PRKCA: variants seen among roughly 807,000 people sequenced by gnomAD.
PRKCA encodes protein kinase C alpha, also known as protein kinase C alpha type.
Under a neutral mutation model 87.0 loss-of-function variants are expected in PRKCA, and 27 were observed. The ratio of observed to expected loss-of-function variants is 0.31; its 90% CI spans 0.23 to 0.43. PRKCA has a LOEUF of 0.43. PRKCA is among the 20% of genes least tolerant of loss of function. The pLI, the probability that PRKCA is intolerant of heterozygous loss-of-function variation, is 1.00. For missense variants in PRKCA, 518 were observed against 852.3 expected, an observed-to-expected ratio of 0.61 and a Z score of 4.88; for synonymous variants, 329 against 311.1, an observed-to-expected ratio of 1.06 and a Z score of -0.61.
At position 66,721,363 on chromosome 17, in the gene PRKCA, T is replaced by A. The variant is rs142922584; in HGVS notation, c.919-11325T>A. On this transcript the variant is annotated intron_variant, in intron 8 of 16. Coordinates refer to ENST00000413366, the MANE Select transcript of PRKCA (RefSeq NM_002737.3). ...GTGAGCCGAGATCGGGCCACTGCAC[T>A]CCAGCCTGGGCAACAGAGCAAGATT... 5.6e-3 allele frequency among the ~76,000 whole-genome samples: 773 copies of A among 138,178 alleles called. 9 individuals are homozygous for A. Among genetic ancestry groups the A allele is most frequent in the African/African-American group, 0.02 (734 of 36,142 alleles). The allele number at this position is 138,178 out of a possible 152,430, so 90.7% of individuals were successfully genotyped here. A position where few individuals can be genotyped will look rare whatever the true frequency, so the allele number is the denominator to read the frequency against.
chr17:66,463,495 A>C (rs1914949922), intron 2 of PRKCA, among the ~76,000 whole-genome samples: 1 of 151,948 alleles, frequency 6.6e-6, no homozygotes, highest in Non-Finnish European at 1.5e-5. Flanking sequence ...TCCCAAGCTC[A>C]AGCGATTCTC....
In PRKCA at chr17:66,777,152, G is replaced by T. The variant is rs988315617; in HGVS notation, c.1605+3085G>T. On this transcript the variant is annotated intron_variant, in intron 14 of 16. Transcript: ENST00000413366. ...TCGCCTGACATTCCTGGTGGGTAGG[G>T]GGAGCCCTCTCCTGCCCTGCCCATG... The T allele has an allele frequency of 3.2e-6, 3 of 926,814 alleles. No individual in the cohort carries two copies. The African/African-American group carries it at 5.4e-5, about 17-fold the overall frequency. The allele number at this position is 926,814 out of a possible 1,614,324, so 57.4% of individuals were successfully genotyped here.
chr17:66,487,369 T>G (rs1409061732), intron 2 of PRKCA, among the ~76,000 whole-genome samples: 5 of 152,244 alleles, frequency 3.3e-5, no homozygotes, highest in Middle Eastern at 3.2e-3. Flanking sequence ...TTTTTATGGT[T>G]GAATAATACT....
chr17:66,462,663 AG>A (rs1914904265), intron 2 of PRKCA, among the ~76,000 whole-genome samples: 1 of 152,136 alleles, frequency 6.6e-6, no homozygotes, highest in African/African-American at 2.4e-5. Context: ...GCCATGATAT[AG>A]GTCTTCCCCA....
intron 5 of PRKCA, chr17:66,676,291 G>A (rs1044685302): frequency 2.0e-5 from 3 of 152,532 alleles, no homozygotes; most frequent in African/African-American, 7.2e-5. Flanking sequence ...GGTGGGGTGA[G>A]GGTTTTTTCC....
intron 3 of PRKCA, among the ~76,000 whole-genome samples, chr17:66,624,684 C>T (rs370225401): frequency 5.3e-4 from 80 of 152,060 alleles, no homozygotes; most frequent in African/African-American, 1.9e-3. Context: ...TGCCTGTAAT[C>T]CCAGCTACTC....
At chr17:66,619,592 T>C (rs1970615984) in intron 3 of PRKCA, among the ~76,000 whole-genome samples, 1 of 152,190 alleles carries the variant, frequency 6.6e-6, no homozygotes, top group Admixed American at 6.5e-5. Flanking sequence ...CAAATGAATA[T>C]CATTATCTCC....
At chr17:66,737,075 G>A (rs1362387574) in intron 10 of PRKCA, among the ~76,000 whole-genome samples, 3 of 152,090 alleles carry the variant, frequency 2.0e-5, no homozygotes, top group Non-Finnish European at 4.4e-5. Context: ...AGACATGGCC[G>A]GGCGCGGTGG....
intron 2 of PRKCA, among the ~76,000 whole-genome samples, chr17:66,375,095 G>A (rs1333478947): frequency 1.3e-5 from 2 of 152,042 alleles, no homozygotes; most frequent in African/African-American, 4.8e-5. Context: ...GCCTTGAGGG[G>A]GGTAATAGCT....
At chr17:66,547,838 T>TA (rs1968194406) in intron 3 of PRKCA, among the ~76,000 whole-genome samples, 1 of 152,236 alleles carries the variant, frequency 6.6e-6, no homozygotes, top group Non-Finnish European at 1.5e-5. Flanking sequence ...GAAACCATCT[T>TA]ACGGCTTTTT....
intron 2 of PRKCA, among the ~76,000 whole-genome samples, chr17:66,446,471 A>G (rs1180215127): frequency 6.6e-6 from 1 of 152,214 alleles, no homozygotes; most frequent in Non-Finnish European, 1.5e-5. Flanking sequence ...GTCCAGACCC[A>G]GAAGGATACT....
intron 3 of PRKCA, among the ~76,000 whole-genome samples, chr17:66,524,045 G>T (rs1480312697): frequency 6.6e-6 from 1 of 152,122 alleles, no homozygotes; most frequent in African/African-American, 2.4e-5. Context: ...GACTAGCTGG[G>T]TGACATCAGA....
At chr17:66,494,837 C>T (rs1428589187) in intron 2 of PRKCA, among the ~76,000 whole-genome samples, 1 of 152,076 alleles carries the variant, frequency 6.6e-6, no homozygotes. Context: ...TGCAGTAGCT[C>T]AACGCCTACA....
At chr17:66,536,881 G>C (rs530064713) in intron 3 of PRKCA, among the ~76,000 whole-genome samples, 14 of 152,300 alleles carry the variant, frequency 9.2e-5, no homozygotes, top group Admixed American at 3.3e-4. Flanking sequence ...CAGTCCCTGA[G>C]ATGAGTGCTT....
intron 1 of PRKCA, 126 bp downstream of exon 1, chr17:66,303,150 C>T: frequency 7.6e-7 from 1 of 1,309,516 alleles, no homozygotes; most frequent in East Asian, 2.8e-5. Context: ...GGAGTCCGAA[C>T]TCTTCGCCCG....
intron 2 of PRKCA, among the ~76,000 whole-genome samples, chr17:66,427,217 A>T (rs1399169852): frequency 6.6e-6 from 1 of 152,160 alleles, no homozygotes; most frequent in Non-Finnish European, 1.5e-5. Context: ...TTTCTCGTAG[A>T]GACGAGGTTT....
At chr17:66,469,385 A>G (rs1202238349) in intron 2 of PRKCA, among the ~76,000 whole-genome samples, 1 of 152,220 alleles carries the variant, frequency 6.6e-6, no homozygotes, top group Non-Finnish European at 1.5e-5. Context: ...CAAAACTTTT[A>G]GTGACATATG....
chr17:66,424,598 C>CACACACACACACACACACAT (rs1051866560), intron 2 of PRKCA, among the ~76,000 whole-genome samples: 9 of 150,514 alleles, frequency 6.0e-5, no homozygotes, highest in Non-Finnish European at 1.2e-4. Context: ...CACACACACA[C>CACACACACACACACACACAT]ATCTTTGAAG....
In PRKCA at chr17:66,336,887, C is replaced by T. The variant is rs141551138; in HGVS notation, c.205+30760C>T. 4.2e-4 allele frequency among the ~76,000 whole-genome samples: 64 copies of T among 151,800 alleles called. No homozygotes were observed. The East Asian group carries it at 8.8e-3, about 21-fold the overall frequency. Reference sequence around the variant, plus strand: ...TACTGCAACCTCTGCCTCCTGGGCTCAAGTGATTGTCCTGCCTCAGCCTCC... The same window carrying T: ...TACTGCAACCTCTGCCTCCTGGGCTTAAGTGATTGTCCTGCCTCAGCCTCC... On this transcript the variant is annotated intron_variant, in intron 2 of 16. Transcript: ENST00000413366.
Sources: allele counts gnomAD v4.1 joint callset (sites outside exome capture counted in the v4.1 genomes callset), GRCh38; gene constraint gnomAD v4.1.1; transcripts MANE v1.5; gene names NCBI Gene and HGNC (gene_info 2026-07-23, HGNC 2026-07-21).